CDYL: variants seen among roughly 807,000 people sequenced by gnomAD.
The protein encoded by CDYL is chromodomain Y like.
CDYL carries 8 observed loss-of-function variants against 47.3 expected under a neutral mutation model. The observed-to-expected ratio is 0.17, with a 90% CI of 0.10 to 0.31. The LOEUF (loss-of-function observed/expected upper bound fraction) is 0.31. Ranked by LOEUF, CDYL falls within the 10% of genes least tolerant of loss-of-function variation. CDYL has a pLI of 1.00. For synonymous variants in CDYL, 266 were observed against 265.0 expected (o/e 1.00, Z -0.04); for missense variants, 471 against 701.4 (o/e 0.67, Z 3.71).
exon 3 of CDYL, chr6:4,734,844 G>C (rs777252998): frequency 1.8e-4 from 296 of 1,613,918 alleles, no homozygotes; most frequent in Non-Finnish European, 2.2e-4. Flanking sequence ...CCGCTTTACA[G>C]GTAGGTCTTG....
intron 3 of CDYL, among the ~76,000 whole-genome samples, chr6:4,738,978 A>G (rs1327538774): frequency 6.6e-6 from 1 of 152,010 alleles, no homozygotes; most frequent in Non-Finnish European, 1.5e-5. Flanking sequence ...CCTGACCAAC[A>G]TGGAGAAACC....
chr6:4,849,243 T>G (rs965708800), intron 1 of CDYL, among the ~76,000 whole-genome samples: 1 of 152,176 alleles, frequency 6.6e-6, no homozygotes, highest in African/African-American at 2.4e-5. Context: ...TTAGGCAAAC[T>G]GGGATGAGGA....
chr6:4,803,993 T>TG (rs1185170802), intron 1 of CDYL, among the ~76,000 whole-genome samples: 5 of 150,902 alleles, frequency 3.3e-5, no homozygotes, highest in Non-Finnish European at 5.9e-5. Context: ...TTTTTTTTTT[T>TG]GCTCTCCTAA....
chr6:4,891,093 C>G (rs1278327169), intron 1 of CDYL, among the ~76,000 whole-genome samples: 1 of 152,168 alleles, frequency 6.6e-6, no homozygotes, highest in African/African-American at 2.4e-5. Flanking sequence ...AACAGCATCT[C>G]CATTGAAAGA....
chr6:4,739,448 G>A (rs1482164470), intron 3 of CDYL, among the ~76,000 whole-genome samples: 1 of 150,450 alleles, frequency 6.6e-6, no homozygotes, highest in Non-Finnish European at 1.5e-5. Flanking sequence ...GAATCTGGGA[G>A]GCAGAGGTTG....
chr6:4,794,414 G>T (rs887114679), intron 1 of CDYL, among the ~76,000 whole-genome samples: 1 of 152,108 alleles, frequency 6.6e-6, no homozygotes, highest in African/African-American at 2.4e-5. Flanking sequence ...AGTCTGGCAT[G>T]GGCTCATGAG....
At chr6:4,763,021 A>G (rs978007651) in intron 3 of CDYL, among the ~76,000 whole-genome samples, 6 of 152,170 alleles carry the variant, frequency 3.9e-5, no homozygotes, top group African/African-American at 1.4e-4. Context: ...ACAAAGAGAA[A>G]ATGGTAAAAA....
intron 2 of CDYL, among the ~76,000 whole-genome samples, chr6:4,723,425 CG>C (rs1159092138): frequency 6.6e-6 from 1 of 151,954 alleles, no homozygotes; most frequent in Admixed American, 6.6e-5. Context: ...CCAAACTGGG[CG>C]ATCTGACGAC....
intron 1 of CDYL, among the ~76,000 whole-genome samples, chr6:4,860,684 A>G (rs1460428055): frequency 1.3e-5 from 2 of 150,564 alleles, no homozygotes; most frequent in Non-Finnish European, 1.5e-5. Flanking sequence ...GTATTAACTT[A>G]CACAATCACA....
chr6:4,856,194 A>C (rs990125425), intron 1 of CDYL, among the ~76,000 whole-genome samples: 1 of 152,230 alleles, frequency 6.6e-6, no homozygotes, highest in Non-Finnish European at 1.5e-5. Flanking sequence ...GGGGCATCAC[A>C]TGAGATCATA....
intron 3 of CDYL, among the ~76,000 whole-genome samples, chr6:4,744,093 G>A (rs911661740): frequency 1.3e-5 from 2 of 152,182 alleles, no homozygotes; most frequent in Non-Finnish European, 2.9e-5. Context: ...AAGGAGGGGT[G>A]GGGAGCTGAA....
At chr6:4,798,196 C>T (rs1263646471) in intron 1 of CDYL, among the ~76,000 whole-genome samples, 5 of 152,098 alleles carry the variant, frequency 3.3e-5, no homozygotes, top group Non-Finnish European at 7.4e-5. Context: ...TGGTCTTGAA[C>T]TCCTGGGCTC....
intron 1 of CDYL, among the ~76,000 whole-genome samples, chr6:4,785,952 C>A (rs1056879183): frequency 4.6e-5 from 7 of 152,130 alleles, no homozygotes; most frequent in Non-Finnish European, 1.0e-4. Context: ...CCCCTTAGAG[C>A]AAGTGAAGGG....
At chr6:4,749,307 A>AGATGGATG (rs61073067) in intron 3 of CDYL, among the ~76,000 whole-genome samples, 1,990 of 146,586 alleles carry the variant, frequency 0.014, 18 homozygotes, top group East Asian at 0.034. Context: ...ATGGATGGAT[A>AGATGGATG]GATGGATGGA....
intron 3 of CDYL, among the ~76,000 whole-genome samples, chr6:4,743,207 T>G (rs1274576978): frequency 1.3e-5 from 2 of 152,158 alleles, no homozygotes; most frequent in Non-Finnish European, 2.9e-5. Context: ...TTGTTTCCAT[T>G]GTCTGGCAAG....
chr6:4,936,831 G>T (rs752225764), intron 3 of CDYL, among the ~76,000 whole-genome samples: 5 of 151,260 alleles, frequency 3.3e-5, no homozygotes, highest in African/African-American at 1.2e-4. Context: ...TCTAAGAGCC[G>T]CAATTTGCCT....
intron 3 of CDYL, among the ~76,000 whole-genome samples, chr6:4,754,084 A>G (rs1027151167): frequency 5.3e-5 from 8 of 152,168 alleles, no homozygotes; most frequent in Admixed American, 6.5e-5. Context: ...GCAGTGAGCT[A>G]TGACTGCACC....
intron 5 of CDYL, 87 bp downstream of exon 5, chr6:4,943,843 T>C: frequency 1.0e-6 from 1 of 980,176 alleles, no homozygotes. Flanking sequence ...TTTCTAAAGC[T>C]GTACAGTGTG....
chr6:4,908,264 TG>T (rs1298100512), intron 2 of CDYL, among the ~76,000 whole-genome samples: 3 of 152,180 alleles, frequency 2.0e-5, no homozygotes, highest in Non-Finnish European at 4.4e-5. Flanking sequence ...TGGCAGCACC[TG>T]GTTAACCTGA....
Sources: gnomAD v4.1 joint callset for allele counts (sites outside exome capture counted in the v4.1 genomes callset) on GRCh38, gnomAD v4.1.1 for gene constraint, MANE v1.5 for transcripts, NCBI Gene and HGNC (gene_info 2026-07-23, HGNC 2026-07-21) for gene names.